The following CLEC16A variants were observed in gnomAD, a reference collection of about 807,000 sequenced individuals.
CLEC16A encodes C-type lectin domain containing 16A.
In CLEC16A, 51 loss-of-function variants were observed where a neutral mutation model predicts 109.5. That is an observed-to-expected ratio of 0.47 (90% CI 0.37 to 0.59). The LOEUF is 0.59. CLEC16A is among the 20% of genes least tolerant of loss of function. CLEC16A has a pLI of 0.00. For synonymous variants in CLEC16A, 673 were observed against 564.2 expected (o/e 1.19, Z -2.73); for missense variants, 1,339 against 1,394.0 (o/e 0.96, Z 0.63).
chr16:10,977,537 G>A (rs1318092928), intron 8 of CLEC16A, 138 bp downstream of exon 8: 20 of 856,364 alleles, frequency 2.3e-5, no homozygotes, highest in East Asian at 5.4e-5. Context: ...TTTAAAAGAC[G>A]GAGTTTTGCT....
chr16:10,991,423 CAAAAAAAAAAAAA>C lies in CLEC16A; in HGVS notation c.1071+8444_1071+8456del, dbSNP rs756161193. Among the ~76,000 whole-genome samples, 337 of 63,392 alleles carry C rather than the reference CAAAAAAAAAAAAA, an allele frequency of 5.3e-3. 4 individuals carry two copies. Among genetic ancestry groups the C allele is most frequent in the African/African-American group, 0.014 (315 of 22,432 alleles). 41.6% of individuals were successfully genotyped at this position (63,392 alleles called of 152,430 possible). A position where few individuals can be genotyped will look rare whatever the true frequency, so the allele number is the denominator to read the frequency against. ...TGGGCGACAGAGCAAGACTCCGTCT[CAAAAAAAAAAAAA>C]AAAAAAAAAAAGAACAGCCAGTGCA... On this transcript the variant is annotated intron_variant, in intron 10 of 23. Transcript: ENST00000409790.
chr16:11,126,415 C>T, intron 22 of CLEC16A: 1 of 1,420,120 alleles, frequency 7.0e-7, no homozygotes, highest in South Asian at 1.5e-5. Context: ...TAAGAATTTT[C>T]TTGGAAATTT....
chr16:11,013,372 T>C (rs555089908), intron 11 of CLEC16A, among the ~76,000 whole-genome samples: 1 of 152,348 alleles, frequency 6.6e-6, no homozygotes, highest in South Asian at 2.1e-4. Context: ...CTCACACCTG[T>C]AATCCCACCA....
At chr16:11,111,155 A>G (rs1188048013) in intron 19 of CLEC16A, among the ~76,000 whole-genome samples, 1 of 152,210 alleles carries the variant, frequency 6.6e-6, no homozygotes, top group Non-Finnish European at 1.5e-5. Flanking sequence ...GTAGCACTAA[A>G]TTAAATTACC....
intron 7 of CLEC16A, among the ~76,000 whole-genome samples, chr16:10,974,962 A>G (rs1211887905): frequency 2.6e-5 from 4 of 152,224 alleles, no homozygotes; most frequent in South Asian, 2.1e-4. Flanking sequence ...AAATGGCTCA[A>G]TTGCAAAATA....
chr16:11,018,392 T>C (rs1567201488), intron 11 of CLEC16A, among the ~76,000 whole-genome samples: 1 of 151,928 alleles, frequency 6.6e-6, no homozygotes, highest in Non-Finnish European at 1.5e-5. Flanking sequence ...CACACCTGGC[T>C]AGGAGAGACC....
rs1475992513 is a variant in CLEC16A, at chr16:11,119,428, A to T, written c.2117-1187A>T. 2.6e-5 allele frequency among the ~76,000 whole-genome samples: 4 copies of T among 152,118 alleles called. No individual in the cohort carries two copies. The South Asian group carries it at 6.2e-4, about 24-fold the overall frequency. On this transcript the variant is annotated intron_variant, in intron 19 of 23. Transcript: ENST00000409790. ...TTTGTTTTGAGACCAGGTCTCTGTC[A>T]TCCAGGCTGGAGTGCAGTGGCATGA...
intron 19 of CLEC16A, among the ~76,000 whole-genome samples, chr16:11,087,437 T>C (rs1003655651): frequency 6.6e-6 from 1 of 152,252 alleles, no homozygotes; most frequent in African/African-American, 2.4e-5. Flanking sequence ...TAATATGCAG[T>C]ATTGTAATTT....
intron 10 of CLEC16A, among the ~76,000 whole-genome samples, chr16:11,002,043 A>C (rs1381817023): frequency 6.6e-6 from 1 of 152,184 alleles, no homozygotes; most frequent in Non-Finnish European, 1.5e-5. Flanking sequence ...AATTAATAAT[A>C]ATATCAGTGG....
intron 19 of CLEC16A, among the ~76,000 whole-genome samples, chr16:11,096,158 C>T (rs572798526): frequency 6.7e-6 from 1 of 148,286 alleles, no homozygotes; most frequent in Non-Finnish European, 1.5e-5. Flanking sequence ...GACTGGGCAA[C>T]ATAGCAAGAC....
intron 11 of CLEC16A, among the ~76,000 whole-genome samples, chr16:11,019,522 A>G (rs1385003530): frequency 6.6e-6 from 1 of 152,134 alleles, no homozygotes. Flanking sequence ...TAATCCCAAC[A>G]CTTTGGGAGG....
intron 19 of CLEC16A, among the ~76,000 whole-genome samples, chr16:11,098,750 C>T (rs1039103878): frequency 2.0e-5 from 3 of 152,218 alleles, no homozygotes. Context: ...TTCCAGTTGC[C>T]TGCACATTCT....
At chr16:11,176,467 T>C (rs1379632656) in intron 23 of CLEC16A, among the ~76,000 whole-genome samples, 1 of 152,110 alleles carries the variant, frequency 6.6e-6, no homozygotes, top group Non-Finnish European at 1.5e-5. Flanking sequence ...GGCACGGTGG[T>C]TCACACCTGT....
At chr16:11,138,886 C>A (rs2053692145) in intron 22 of CLEC16A, among the ~76,000 whole-genome samples, 1 of 152,076 alleles carries the variant, frequency 6.6e-6, no homozygotes, top group African/African-American at 2.4e-5. Context: ...AAATAGGCAT[C>A]TCCAAGTGCC....
chr16:10,961,759 C>A lies in CLEC16A; in HGVS notation c.210-696C>A, dbSNP rs1237703426. ...TGGGAGCCACAGTACATTTGGTTGT[C>A]ATATCTCCCCAGCCTCCTCTGTTCC... On this transcript the variant is annotated intron_variant, in intron 2 of 23. Coordinates refer to ENST00000409790, the MANE Select transcript of CLEC16A (RefSeq NM_015226.3). This position sits in a 1 kb window ranked among gnomAD's most constrained non-coding sequence, Gnocchi z 4.3. Among the ~76,000 whole-genome samples, 1 of 152,162 alleles carries A rather than the reference C, an allele frequency of 6.6e-6. No homozygotes were observed. The highest frequency in any genetic ancestry group is 1.9e-4 in the East Asian group (1 of 5,206).
intron 1 of CLEC16A, 108 bp from the exon 2 acceptor site, chr16:10,957,674 C>T: frequency 8.7e-7 from 1 of 1,147,610 alleles, no homozygotes; most frequent in Non-Finnish European, 1.3e-6. Context: ...ATTACCCAAA[C>T]CTGAAAAAGC....
In CLEC16A at chr16:11,052,445, C is replaced by G. The variant is rs560324265; in HGVS notation, c.1995+804C>G. The stretch of plus-strand genomic sequence containing the variant: ...CAGGAATGACCTGTCATTTGCACCT[C>G]AGACACGAGGAGTCTGAACCTTCCT... On this transcript the variant is annotated intron_variant, in intron 18 of 23. Transcript: ENST00000409790. Among the ~76,000 whole-genome samples, 3 of 152,306 alleles carry G rather than the reference C, an allele frequency of 2.0e-5. No individual in the cohort carries two copies. In the East Asian group the frequency reaches 5.8e-4, roughly 29 times the overall value.
At chr16:11,111,015 A>G (rs2051549643) in intron 19 of CLEC16A, among the ~76,000 whole-genome samples, 1 of 151,792 alleles carries the variant, frequency 6.6e-6, no homozygotes, top group South Asian at 2.1e-4. Flanking sequence ...TCTGCTAAAT[A>G]CTTGCAGGAT....
At position 11,129,898 on chromosome 16, in the gene CLEC16A, T is replaced by G. The variant is rs996369973; in HGVS notation, c.2641+3752T>G. Among the ~76,000 whole-genome samples, 49 of 151,968 alleles carry G rather than the reference T, an allele frequency of 3.2e-4. No individual in the cohort carries two copies. The East Asian group carries it at 3.7e-3, about 11-fold the overall frequency. ...CTGCCTCAGCCTCCCTAGTAGCTGG[T>G]ACTACAGGCGCCCACCACCACGCCC... On this transcript the variant is annotated intron_variant, in intron 22 of 23. Transcript: ENST00000409790.
Sources: gnomAD v4.1 joint callset for allele counts (sites outside exome capture counted in the v4.1 genomes callset) on GRCh38, gnomAD v4.1.1 for gene constraint, Gnocchi (gnomAD v3.1) non-coding constraint, MANE v1.5 for transcripts, NCBI Gene and HGNC (gene_info 2026-07-23, HGNC 2026-07-21) for gene names.